The following ACSL1 variants were observed in gnomAD, a reference collection of about 807,000 sequenced individuals.
ACSL1 encodes the protein long-chain-fatty-acid--CoA ligase 1.
ACSL1 carries 41 observed loss-of-function variants against 98.4 expected under a neutral mutation model. The ratio of observed to expected loss-of-function variants is 0.42; its 90% CI spans 0.32 to 0.54. ACSL1 has a LOEUF of 0.54. ACSL1 is among the 20% of genes least tolerant of loss of function. ACSL1 has a pLI of 0.13. For synonymous variants in ACSL1, 316 were observed against 322.7 expected (o/e 0.98, Z 0.22); for missense variants, 734 against 883.1 (o/e 0.83, Z 2.14).
At chr4:184,783,750 C>T (rs1019960830) in intron 4 of ACSL1, among the ~76,000 whole-genome samples, 177 bp downstream of exon 4, 3 of 152,232 alleles carry the variant, frequency 2.0e-5, no homozygotes, top group African/African-American at 4.8e-5. Context: ...AATTCCTTAA[C>T]TTGTTCTCCC....
chr4:184,822,495 T>C (rs1773136549), intron 1 of ACSL1, among the ~76,000 whole-genome samples: 1 of 152,142 alleles, frequency 6.6e-6, no homozygotes, highest in South Asian at 2.1e-4. Context: ...CCTAGCACTT[T>C]GGGGAGGCCA....
chr4:184,800,372 C>A (rs746641383), intron 2 of ACSL1, among the ~76,000 whole-genome samples: 1 of 152,166 alleles, frequency 6.6e-6, no homozygotes, highest in African/African-American at 2.4e-5. Context: ...TTAACTGCAA[C>A]CACGTGTGTC....
chr4:184,763,674 C>T (rs189400928), intron 15 of ACSL1, among the ~76,000 whole-genome samples: 11 of 152,280 alleles, frequency 7.2e-5, no homozygotes, highest in African/African-American at 1.2e-4. Context: ...GCAAACCTCA[C>T]GCACCACCTG....
intron 2 of ACSL1, among the ~76,000 whole-genome samples, chr4:184,794,026 C>G (rs1400122690): frequency 2.0e-5 from 3 of 152,128 alleles, no homozygotes; most frequent in East Asian, 3.8e-4. Flanking sequence ...CCGTATTGTT[C>G]AGGGAATAAT....
intron 18 of ACSL1, chr4:184,758,179 C>G (rs1762371190): frequency 6.6e-6 from 3 of 454,916 alleles, no homozygotes; most frequent in Admixed American, 3.8e-5. Context: ...TAACAAATCT[C>G]TAATTCGTAT....
At chr4:184,768,994 A>T (rs1244786692) in intron 11 of ACSL1, among the ~76,000 whole-genome samples, 2 of 151,884 alleles carry the variant, frequency 1.3e-5, no homozygotes, top group South Asian at 2.1e-4. Flanking sequence ...GCTTGAACCC[A>T]GGAGGCGGAG....
Position 184,788,340 on chromosome 4 carries a change from G to A in ACSL1, c.310+277C>T, listed in dbSNP as rs1346944566. ...AACAGACCTCTTTATTGCAGGAAAC[G>A]TCAGAGCCTATTGTGCACTGGTGTA... On this transcript the variant is annotated intron_variant, in intron 3 of 20. Transcript: ENST00000281455. The A allele has an allele frequency of 6.3e-5, 33 of 526,720 alleles. 1 individual carries two copies. Among genetic ancestry groups the A allele is most frequent in the Middle Eastern group, 5.1e-4 (1 of 1,974 alleles). The allele number at this position is 526,720 out of a possible 1,614,324, so 32.6% of individuals were successfully genotyped here.
rs371577009 is a variant in ACSL1 at position 184,811,275 on chromosome 4, ATTTT to A, written c.-32-7733_-32-7730del. Among the ~76,000 whole-genome samples, 126 of 149,054 alleles carry A rather than the reference ATTTT, an allele frequency of 8.5e-4. No individual in the cohort carries two copies. The East Asian group carries it at 0.011, about 13-fold the overall frequency. On this transcript the variant is annotated intron_variant, in intron 1 of 20. Transcript: ENST00000281455. ...AGGCACCCGCCACCACGCCTGGCTA[ATTTT>A]TTTTTTGTATTTTTAGTAGAGACGG...
intron 7 of ACSL1, among the ~76,000 whole-genome samples, chr4:184,775,117 C>A (rs894179799): frequency 1.3e-5 from 2 of 152,146 alleles, no homozygotes; most frequent in Non-Finnish European, 2.9e-5. Flanking sequence ...AGCCTTACAT[C>A]TCTCTTACAG....
intron 11 of ACSL1, among the ~76,000 whole-genome samples, chr4:184,769,835 G>A (rs1260775237): frequency 6.6e-6 from 1 of 152,220 alleles, no homozygotes; most frequent in East Asian, 1.9e-4. Flanking sequence ...TTCTTGGTCA[G>A]TTTTAAAATT....
intron 1 of ACSL1, among the ~76,000 whole-genome samples, chr4:184,811,174 T>C (rs1772032772): frequency 6.6e-6 from 1 of 151,558 alleles, no homozygotes; most frequent in Admixed American, 6.6e-5. Context: ...AGTGGTGTGA[T>C]CTCGGCTCAC....
chr4:184,824,561 A>C (rs542925064), intron 1 of ACSL1, among the ~76,000 whole-genome samples: 9 of 152,300 alleles, frequency 5.9e-5, no homozygotes, highest in Non-Finnish European at 1.2e-4. Flanking sequence ...TGGACTCGTG[A>C]AAGATTTTAG....
chr4:184,821,546 T>C lies in ACSL1; in HGVS notation c.-33+4370A>G, dbSNP rs557385586. On this transcript the variant is annotated intron_variant, in intron 1 of 20. Coordinates refer to ENST00000281455, the MANE Select transcript of ACSL1 (RefSeq NM_001995.5). ...TTCAACTGCTTTTGACTAGAATACATGAACCCAAAAGTCCATTAAACCTAT... is the reference window on the plus strand; with the variant it reads ...TTCAACTGCTTTTGACTAGAATACACGAACCCAAAAGTCCATTAAACCTAT... Among the ~76,000 whole-genome samples, 3 of 152,346 alleles carry C rather than the reference T, an allele frequency of 2.0e-5. No individual in the cohort carries two copies. In the South Asian group the frequency reaches 6.2e-4, roughly 32 times the overall value.
chr4:184,780,707 AG>A (rs1414051028), intron 4 of ACSL1, among the ~76,000 whole-genome samples: 4 of 152,228 alleles, frequency 2.6e-5, no homozygotes, highest in African/African-American at 9.6e-5. Flanking sequence ...ATTATATGGC[AG>A]GGCTATTTAT....
At chr4:184,826,201 C>G (rs1272888964), upstream of ACSL1, 2 of 150,180 alleles carry the variant, frequency 1.3e-5, no homozygotes, top group East Asian at 2.0e-4. Context: ...GGCGGGTGGC[C>G]GGCGGTCGAG....
At chr4:184,758,170 A>G (rs1260045472) in intron 18 of ACSL1, 2 of 471,886 alleles carry the variant, frequency 4.2e-6, no homozygotes, top group East Asian at 6.7e-5. Flanking sequence ...ATACCAATCT[A>G]ACAAATCTCT....
chr4:184,790,940 A>C (rs1201735662), intron 2 of ACSL1, among the ~76,000 whole-genome samples: 2 of 152,224 alleles, frequency 1.3e-5, no homozygotes, highest in Non-Finnish European at 2.9e-5. Context: ...GAAGGCACCA[A>C]GGCTAAGGTA....
chr4:184,766,115 G>T lies in ACSL1; in HGVS notation c.1264-129C>A, dbSNP rs777388013. 8.3e-5 allele frequency: 65 copies of T among 781,390 alleles called. 1 individual carries two copies. Among genetic ancestry groups the T allele is most frequent in the Non-Finnish European group, 1.3e-4 (63 of 479,558 alleles). The allele number at this position is 781,390 out of a possible 1,614,324, so 48.4% of individuals were successfully genotyped here. On this transcript the variant is annotated intron_variant, in intron 13 of 20. Coordinates refer to ENST00000281455, the MANE Select transcript of ACSL1 (RefSeq NM_001995.5). This position sits in a 1 kb window ranked among gnomAD's most constrained non-coding sequence, Gnocchi z 4.8. ...CTGCAGACCACACGGAGGCCACACG[G>T]AGAACTCACAGCCCTCATGATGGCA...
intron 1 of ACSL1, among the ~76,000 whole-genome samples, chr4:184,810,699 G>A (rs1451739744): frequency 6.6e-6 from 1 of 152,060 alleles, no homozygotes; most frequent in Non-Finnish European, 1.5e-5. Flanking sequence ...ACATTAATCT[G>A]GAACAAACGA....
Sources: allele counts gnomAD v4.1 joint callset (sites outside exome capture counted in the v4.1 genomes callset), GRCh38; gene constraint gnomAD v4.1.1; non-coding constraint Gnocchi (gnomAD v3.1); transcripts MANE v1.5; gene names NCBI Gene and HGNC (gene_info 2026-07-23, HGNC 2026-07-21).